MAN1A2: variants seen among roughly 807,000 people sequenced by gnomAD.
The protein encoded by MAN1A2 is mannosidase alpha class 1A member 2, also known as mannosyl-oligosaccharide 1,2-alpha-mannosidase IB.
A neutral mutation model predicts 75.7 loss-of-function variants in MAN1A2; 26 were observed. The observed-to-expected ratio is 0.34, with a 90% CI of 0.25 to 0.48. MAN1A2 has a LOEUF of 0.48. Among genes scored for constraint, MAN1A2 ranks in the 20% least tolerant of loss-of-function variants. The probability of loss-of-function intolerance (pLI) is 0.99; values close to 1 mark genes in which losing one functional copy is unlikely to be tolerated. For synonymous variants in MAN1A2, 247 were observed against 264.6 expected, an observed-to-expected ratio of 0.93 and a Z score of 0.65; for missense variants, 562 against 775.5, an observed-to-expected ratio of 0.72 and a Z score of 3.27.
intron 8 of MAN1A2, among the ~76,000 whole-genome samples, chr1:117,481,313 G>A (rs1650489162): frequency 6.6e-6 from 1 of 150,688 alleles, no homozygotes; most frequent in Admixed American, 6.6e-5. Context: ...TCTTGGTAAA[G>A]CCTATTTAAA....
intron 1 of MAN1A2, among the ~76,000 whole-genome samples, chr1:117,369,994 G>T (rs1057005569): frequency 2.6e-5 from 4 of 151,756 alleles, no homozygotes; most frequent in African/African-American, 9.7e-5. Context: ...CATTTTGAAT[G>T]GTCTAAAAGT....
intron 8 of MAN1A2, among the ~76,000 whole-genome samples, chr1:117,482,106 C>T (rs1650516387): frequency 6.6e-6 from 1 of 151,860 alleles, no homozygotes; most frequent in Non-Finnish European, 1.5e-5. Context: ...TACATGTGCA[C>T]ACGTGCAGGG....
intron 6 of MAN1A2, among the ~76,000 whole-genome samples, chr1:117,452,725 A>G (rs917759533): frequency 9.2e-5 from 14 of 152,244 alleles, no homozygotes; most frequent in Non-Finnish European, 2.9e-5. Flanking sequence ...TAAAGGTGAC[A>G]GGTGAAGCAG....
chr1:117,386,573 T>G (rs1653530625), intron 1 of MAN1A2, among the ~76,000 whole-genome samples: 1 of 152,184 alleles, frequency 6.6e-6, no homozygotes, highest in African/African-American at 2.4e-5. Context: ...ATTACTAGCT[T>G]CCTTTGCTTC....
At chr1:117,490,069 G>A (rs1372550934) in intron 8 of MAN1A2, among the ~76,000 whole-genome samples, 1 of 151,812 alleles carries the variant, frequency 6.6e-6, no homozygotes, top group Admixed American at 6.6e-5. Context: ...AAATTGGATA[G>A]GTTTAAAAGT....
chr1:117,405,318 C>G (rs1647578671), intron 2 of MAN1A2, among the ~76,000 whole-genome samples: 1 of 152,092 alleles, frequency 6.6e-6, no homozygotes, highest in African/African-American at 2.4e-5. Flanking sequence ...AAATATGTAC[C>G]TCCTGAAGAA....
At chr1:117,516,194 C>T (rs1205228906) in intron 12 of MAN1A2, among the ~76,000 whole-genome samples, 1 of 152,020 alleles carries the variant, frequency 6.6e-6, no homozygotes, top group East Asian at 1.9e-4. Flanking sequence ...TTTAAAATAA[C>T]AGATTATATT....
chr1:117,526,874 C>CTATATA lies in MAN1A2; in HGVS notation c.*3918_*3919insATATAT, dbSNP rs1339657740. 5 of 73,966 alleles carry CTATATA rather than the reference C, an allele frequency of 6.8e-5. No homozygotes were observed. Among genetic ancestry groups the CTATATA allele is most frequent in the African/African-American group, 2.2e-4 (4 of 18,520 alleles). The allele number at this position is 73,966 out of a possible 1,614,324, so 4.6% of individuals were successfully genotyped here. A position where few individuals can be genotyped will look rare whatever the true frequency, so the allele number is the denominator to read the frequency against. On this transcript the variant is annotated 3_prime_UTR_variant, in exon 13 of 13. Transcript: ENST00000356554. Reference sequence around the variant, plus strand: ...TCTCTCTCTCTCTCTCTCTCTCTCTCTCTCTCTATATATATATATATATAT... The same window carrying CTATATA: ...TCTCTCTCTCTCTCTCTCTCTCTCTCTATATATCTCTCTATATATATATATATATAT...
chr1:117,385,856 G>A (rs1653508214), intron 1 of MAN1A2, among the ~76,000 whole-genome samples: 1 of 152,204 alleles, frequency 6.6e-6, no homozygotes, highest in African/African-American at 2.4e-5. Context: ...TAGGCATTAA[G>A]TGAAGCCAGA....
chr1:117,397,645 C>CTTTTTTTTTTTTTTTT, intron 1 of MAN1A2, among the ~76,000 whole-genome samples: 1 of 105,880 alleles, frequency 9.4e-6, no homozygotes, highest in Non-Finnish European at 1.8e-5. Context: ...TTATAACCCC[C>CTTTTTTTTTTTTTTTT]TTTTTTTTTT....
intron 3 of MAN1A2, among the ~76,000 whole-genome samples, chr1:117,413,433 G>A (rs947664294): frequency 6.6e-6 from 1 of 151,876 alleles, no homozygotes; most frequent in Non-Finnish European, 1.5e-5. Flanking sequence ...GAGGAGAATA[G>A]TAAATGGAAA....
chr1:117,385,432 C>A (rs566961782), intron 1 of MAN1A2, among the ~76,000 whole-genome samples: 12 of 152,288 alleles, frequency 7.9e-5, no homozygotes, highest in Non-Finnish European at 1.3e-4. Context: ...TAATTATGGT[C>A]TGGTTGACTG....
intron 1 of MAN1A2, among the ~76,000 whole-genome samples, chr1:117,399,708 C>A (rs1647346205): frequency 1.3e-5 from 2 of 152,294 alleles, no homozygotes; most frequent in Middle Eastern, 3.4e-3. Flanking sequence ...CTCTTGATTG[C>A]AAGATGGCTC....
At chr1:117,464,356 C>CTAAAAAAAAAA in intron 7 of MAN1A2, among the ~76,000 whole-genome samples, 1 of 132,014 alleles carries the variant, frequency 7.6e-6, no homozygotes, top group Non-Finnish European at 1.6e-5. Flanking sequence ...AAGACTCTGT[C>CTAAAAAAAAAA]AAAAAAAAAA....
chr1:117,512,633 A>G (rs992239165), intron 12 of MAN1A2, among the ~76,000 whole-genome samples: 1 of 152,008 alleles, frequency 6.6e-6, no homozygotes, highest in African/African-American at 2.4e-5. Flanking sequence ...TAACTGCTGT[A>G]TTTATGTAGT....
At position 117,457,643 on chromosome 1, in the gene MAN1A2, C is replaced by T. The variant is rs188401324; in HGVS notation, c.951-2846C>T. On this transcript the variant is annotated intron_variant, in intron 6 of 12. Transcript: ENST00000356554. ...TGTTCTTTTTATAGAGAATGGCAAA[C>T]TGTTGGACTTCCTAAGTTTTGTTTT... 1.1e-3 allele frequency among the ~76,000 whole-genome samples: 172 copies of T among 152,194 alleles called. 1 individual carries two copies. Among genetic ancestry groups the T allele is most frequent in the African/African-American group, 3.9e-3 (160 of 41,536 alleles).
intron 1 of MAN1A2, among the ~76,000 whole-genome samples, chr1:117,399,431 C>T (rs193002899): frequency 6.6e-6 from 1 of 152,300 alleles, no homozygotes; most frequent in Admixed American, 6.5e-5. Context: ...CTTGAAAGAG[C>T]CAGTCTTCCC....
intron 8 of MAN1A2, among the ~76,000 whole-genome samples, chr1:117,488,803 T>C (rs1650791807): frequency 6.6e-6 from 1 of 152,082 alleles, no homozygotes; most frequent in South Asian, 2.1e-4. Context: ...TGATAGCTCT[T>C]TTCCCCCATT....
intron 1 of MAN1A2, among the ~76,000 whole-genome samples, chr1:117,389,365 A>G (rs896746661): frequency 3.9e-5 from 6 of 152,220 alleles, no homozygotes; most frequent in African/African-American, 1.4e-4. Context: ...ACTTCAGATC[A>G]CCATAAGGAG....
Sources: gnomAD v4.1 joint callset for allele counts (sites outside exome capture counted in the v4.1 genomes callset) on GRCh38, gnomAD v4.1.1 for gene constraint, MANE v1.5 for transcripts, NCBI Gene and HGNC (gene_info 2026-07-23, HGNC 2026-07-21) for gene names.